Variants in ZNF804B observed in about 807,000 individuals in gnomAD.
ZNF804B encodes the protein zinc finger protein 804B.
Under a neutral mutation model 101.4 loss-of-function variants are expected in ZNF804B, and 80 were observed. The observed-to-expected ratio is 0.79, with a 90% CI of 0.66 to 0.95. The LOEUF (loss-of-function observed/expected upper bound fraction) is 0.95. Ranked by LOEUF, ZNF804B falls within the 40% of genes least tolerant of loss-of-function variation. The pLI is 0.00. For synonymous variants in ZNF804B, 622 were observed against 558.8 expected (o/e 1.11, Z -1.59); for missense variants, 1,673 against 1,561.9 (o/e 1.07, Z -1.20).
Position 89,334,828 on chromosome 7 carries a change from G to T in ZNF804B, c.1846G>T (p.Ala616Ser). 1 of 1,613,836 alleles carries T rather than the reference G, an allele frequency of 6.2e-7. No individual in the cohort carries two copies. Among genetic ancestry groups the T allele is most frequent in the Non-Finnish European group, 8.5e-7 (1 of 1,179,868 alleles). ...GGCCCATTGGCAAGGCTGCAGAAAG[G>T]CAGTTCTAAATGATATAGATGAGGA... ...SRAHWQGCRK[A>S]VLNDIDEDLS... Residue 616 changes from alanine to serine, a missense_variant, in exon 4 of 4, where the codon GCA becomes TCA. Coordinates refer to ENST00000333190, the MANE Select transcript of ZNF804B (RefSeq NM_181646.5).
intron 2 of ZNF804B, among the ~76,000 whole-genome samples, chr7:89,284,676 A>T (rs1024311885): frequency 2.6e-5 from 4 of 152,158 alleles, no homozygotes; most frequent in Non-Finnish European, 4.4e-5. Flanking sequence ...GATTGCTATA[A>T]GAAAGGCACA....
chr7:88,883,455 G>A (rs1375181461), intron 1 of ZNF804B, among the ~76,000 whole-genome samples: 1 of 152,086 alleles, frequency 6.6e-6, no homozygotes, highest in Admixed American at 6.6e-5. Flanking sequence ...AAAGTGAGTG[G>A]AAGGCAATTA....
At position 89,335,269 on chromosome 7, in the gene ZNF804B, T is replaced by G; in HGVS notation, c.2287T>G (p.Phe763Val). 1 of 1,613,802 alleles carries G rather than the reference T, an allele frequency of 6.2e-7. No individual in the cohort carries two copies. Among genetic ancestry groups the G allele is most frequent in the Non-Finnish European group, 8.5e-7 (1 of 1,179,950 alleles). The change falls in exon 4 of 4, where the codon TTC becomes GTC. Residue 763 changes from phenylalanine (F) to valine (V), a missense_variant. Physicochemically the swap from Phe to Val is conservative, Grantham distance 50. Transcript: ENST00000333190. ...ACGGAAATGTCTAAAGCACAACTGC[T>G]TCTACTTGTCTGATGATATAACAAA... ...HKRKCLKHNC[F>V]YLSDDITKSS...
Position 89,335,126 on chromosome 7 carries a change from C to T in ZNF804B, c.2144C>T (p.Ser715Phe), listed in dbSNP as rs1791055503. ...LSRYSSSLDT[S>F]PSSMSSLRST... Reference sequence around the variant, plus strand: ...AGATATTCTTCCTCTTTGGACACATCCCCTAGCAGCATGTCTAGCTTGAGA... The same window carrying T: ...AGATATTCTTCCTCTTTGGACACATTCCCTAGCAGCATGTCTAGCTTGAGA... Residue 715 changes from serine to phenylalanine, a missense_variant, in exon 4 of 4, where the codon TCC becomes TTC. Coordinates refer to ENST00000333190, the MANE Select transcript of ZNF804B (RefSeq NM_181646.5). 1.2e-6 allele frequency: 2 copies of T among 1,613,744 alleles called. No individual in the cohort carries two copies. Among genetic ancestry groups the T allele is most frequent in the African/African-American group, 2.7e-5 (2 of 74,912 alleles).
intron 1 of ZNF804B, among the ~76,000 whole-genome samples, chr7:88,970,881 A>G (rs1193736464): frequency 6.6e-6 from 1 of 151,084 alleles, no homozygotes; most frequent in Non-Finnish European, 1.5e-5. Flanking sequence ...TGACAAGTTA[A>G]TGGGTGCAGC....
intron 1 of ZNF804B, among the ~76,000 whole-genome samples, chr7:88,778,322 C>T (rs72615105): frequency 0.054 from 8,216 of 152,218 alleles, 413 homozygotes; most frequent in East Asian, 0.28. Context: ...ATGGTTCGAT[C>T]GGGCCCACTT....
At chr7:89,191,844 G>T (rs1788459131) in intron 1 of ZNF804B, among the ~76,000 whole-genome samples, 1 of 152,096 alleles carries the variant, frequency 6.6e-6, no homozygotes. Flanking sequence ...GGCAGAGAGA[G>T]AAATGTAAAC....
intron 1 of ZNF804B, among the ~76,000 whole-genome samples, chr7:89,199,816 C>T (rs1788604108): frequency 6.7e-6 from 1 of 150,124 alleles, no homozygotes. Context: ...CATACATATA[C>T]ATATAAACAT....
At chr7:89,225,060 C>T (rs1443555401) in intron 2 of ZNF804B, among the ~76,000 whole-genome samples, 1 of 152,000 alleles carries the variant, frequency 6.6e-6, no homozygotes, top group Non-Finnish European at 1.5e-5. Flanking sequence ...TCTATCTGAC[C>T]TTCAGTGTTC....
At chr7:88,796,115 G>GATT (rs1790479100) in intron 1 of ZNF804B, among the ~76,000 whole-genome samples, 1 of 151,982 alleles carries the variant, frequency 6.6e-6, no homozygotes, top group Admixed American at 6.6e-5. Context: ...AACTTAATGT[G>GATT]ATTTTAAGAG....
rs181592113 is a variant in ZNF804B at position 89,178,778 on chromosome 7, G to T, written c.109-39377G>T. Among the ~76,000 whole-genome samples, 30 of 152,148 alleles carry T rather than the reference G, an allele frequency of 2.0e-4. No homozygotes were observed. In the East Asian group the frequency reaches 5.6e-3, roughly 28 times the overall value. ...CCCAGTGAGCTTTTTGCATTTAAAA[G>T]ATTTCTTATTGCTTATTAACATCTG... On this transcript the variant is annotated intron_variant, in intron 1 of 3. Transcript: ENST00000333190.
intron 1 of ZNF804B, among the ~76,000 whole-genome samples, chr7:88,960,778 A>T (rs190063826): frequency 6.6e-6 from 1 of 151,442 alleles, no homozygotes; most frequent in Admixed American, 6.6e-5. Context: ...TACTTACATG[A>T]TATAATTAGT....
At chr7:89,220,560 T>C (rs1788988636) in intron 2 of ZNF804B, among the ~76,000 whole-genome samples, 1 of 151,928 alleles carries the variant, frequency 6.6e-6, no homozygotes, top group African/African-American at 2.4e-5. Flanking sequence ...ACCTCCACCA[T>C]TGTTACATTA....
intron 1 of ZNF804B, among the ~76,000 whole-genome samples, chr7:89,051,269 C>T (rs1052088033): frequency 6.6e-6 from 1 of 151,950 alleles, no homozygotes; most frequent in Non-Finnish European, 1.5e-5. Flanking sequence ...GTAGGTATTA[C>T]CAAATTGTTT....
intron 1 of ZNF804B, among the ~76,000 whole-genome samples, chr7:89,033,846 A>G (rs947710532): frequency 2.0e-5 from 3 of 152,244 alleles, no homozygotes; most frequent in South Asian, 2.1e-4. Flanking sequence ...TCTGCTTTGT[A>G]TCTTCATTTT....
chr7:89,124,734 A>G (rs1014907993), intron 1 of ZNF804B, among the ~76,000 whole-genome samples: 5 of 152,172 alleles, frequency 3.3e-5, no homozygotes, highest in Non-Finnish European at 5.9e-5. Context: ...GGTTGTAGGT[A>G]AAGGTCAATA....
In ZNF804B at chr7:88,972,825, G is replaced by A. The variant is rs564011527; in HGVS notation, c.108+212741G>A. On this transcript the variant is annotated intron_variant, in intron 1 of 3. Transcript: ENST00000333190. ...ACCTGCCTTTAAGTCAAAAATAGAA[G>A]ATGTGTTTGGAAAAAGAAGGAAAGG... 4.0e-5 allele frequency among the ~76,000 whole-genome samples: 6 copies of A among 151,244 alleles called. No individual in the cohort carries two copies. The South Asian group carries it at 1.2e-3, about 31-fold the overall frequency.
intron 1 of ZNF804B, among the ~76,000 whole-genome samples, chr7:89,038,370 G>A (rs893469432): frequency 1.3e-5 from 2 of 152,036 alleles, no homozygotes; most frequent in Non-Finnish European, 2.9e-5. Context: ...CGAGTGTGAG[G>A]TGATATCTCA....
intron 2 of ZNF804B, among the ~76,000 whole-genome samples, chr7:89,229,472 C>G (rs1312406488): frequency 1.3e-5 from 2 of 152,130 alleles, no homozygotes; most frequent in Admixed American, 6.5e-5. Context: ...TAAAGAGGAA[C>G]ATTGCATAAT....
Sources: gnomAD v4.1 joint callset for allele counts (sites outside exome capture counted in the v4.1 genomes callset) on GRCh38, gnomAD v4.1.1 for gene constraint, MANE v1.5 for transcripts, NCBI Gene and HGNC (gene_info 2026-07-23, HGNC 2026-07-21) for gene names.